The following SLC4A4 variants were observed in gnomAD, a reference collection of about 807,000 sequenced individuals.
The protein encoded by SLC4A4 is solute carrier family 4 member 4.
SLC4A4 carries 27 observed loss-of-function variants against 111.5 expected under a neutral mutation model. The ratio of observed to expected loss-of-function variants is 0.24; its 90% CI spans 0.18 to 0.33. SLC4A4 has a LOEUF of 0.33. Ranked by LOEUF, SLC4A4 falls within the 10% of genes least tolerant of loss-of-function variation. SLC4A4 has a pLI of 1.00. For synonymous variants in SLC4A4, 443 were observed against 463.4 expected (o/e 0.96, Z 0.57); for missense variants, 909 against 1,315.5 (o/e 0.69, Z 4.78).
chr4:71,435,041 G>A (rs1723995024), intron 7 of SLC4A4, among the ~76,000 whole-genome samples: 1 of 152,106 alleles, frequency 6.6e-6, no homozygotes, highest in African/African-American at 2.4e-5. Context: ...AACTACCACT[G>A]AATTTCTTCA....
chr4:71,435,788 G>A (rs986494936), intron 7 of SLC4A4, among the ~76,000 whole-genome samples: 4 of 152,070 alleles, frequency 2.6e-5, no homozygotes, highest in Non-Finnish European at 5.9e-5. Context: ...ACATTTATGC[G>A]GCCAACAAAC....
intron 16 of SLC4A4, among the ~76,000 whole-genome samples, chr4:71,499,012 C>T (rs991343459): frequency 6.6e-6 from 1 of 152,138 alleles, no homozygotes; most frequent in Non-Finnish European, 1.5e-5. Context: ...TTTCTTGATA[C>T]ACCTCTTCAA....
At chr4:71,199,289 T>TAA in intron 1 of SLC4A4, among the ~76,000 whole-genome samples, 1 of 152,326 alleles carries the variant, frequency 6.6e-6, no homozygotes, top group Non-Finnish European at 1.5e-5. Flanking sequence ...TTTGAGGTTA[T>TAA]AAAATAAGCA....
chr4:71,250,096 G>A (rs952589114), intron 2 of SLC4A4, among the ~76,000 whole-genome samples: 2 of 151,550 alleles, frequency 1.3e-5, no homozygotes, highest in African/African-American at 4.8e-5. Flanking sequence ...TTTATAATCT[G>A]TCACTCATCC....
intron 4 of SLC4A4, among the ~76,000 whole-genome samples, chr4:71,345,535 C>A (rs1195469116): frequency 6.6e-6 from 1 of 152,066 alleles, no homozygotes; most frequent in African/African-American, 2.4e-5. Flanking sequence ...CACAAGCCAA[C>A]AAAGGAAAGG....
intron 7 of SLC4A4, among the ~76,000 whole-genome samples, chr4:71,438,145 C>G (rs1297160528): frequency 6.6e-6 from 1 of 152,064 alleles, no homozygotes; most frequent in African/African-American, 2.4e-5. Context: ...TAAGACGGTT[C>G]CGAAAAAATG....
intron 3 of SLC4A4, among the ~76,000 whole-genome samples, chr4:71,337,195 A>G (rs192931577): frequency 6.6e-6 from 1 of 152,314 alleles, no homozygotes; most frequent in African/African-American, 2.4e-5. Flanking sequence ...TTAATATACC[A>G]TGTTAACTGA....
chr4:71,431,463 G>A, intron 7 of SLC4A4, among the ~76,000 whole-genome samples: 1 of 152,150 alleles, frequency 6.6e-6, no homozygotes. Flanking sequence ...AGGACATAGA[G>A]AGTAGAATGT....
chr4:71,452,303 G>A (rs1359625519), intron 11 of SLC4A4, among the ~76,000 whole-genome samples: 3 of 151,810 alleles, frequency 2.0e-5, no homozygotes, highest in Admixed American at 6.6e-5. Context: ...ATAGTTTTTT[G>A]TAAATTATTT....
intron 2 of SLC4A4, among the ~76,000 whole-genome samples, chr4:71,171,432 G>A (rs1364900451): frequency 6.6e-6 from 1 of 152,182 alleles, no homozygotes; most frequent in Non-Finnish European, 1.5e-5. Context: ...TGGTACTTGA[G>A]TGACTTGAGG....
intron 3 of SLC4A4, among the ~76,000 whole-genome samples, chr4:71,330,782 T>A (rs1184169501): frequency 6.6e-6 from 1 of 151,922 alleles, no homozygotes; most frequent in Non-Finnish European, 1.5e-5. Flanking sequence ...GAAACTACCA[T>A]CAGAGTGAAC....
chr4:71,471,700 A>G (rs371926392), intron 13 of SLC4A4, among the ~76,000 whole-genome samples: 11 of 152,010 alleles, frequency 7.2e-5, no homozygotes, highest in African/African-American at 2.7e-4. Flanking sequence ...TAAAGGGATC[A>G]GTATAAAATG....
At chr4:71,184,874 ACT>A (rs2148989863), upstream of SLC4A4, among the ~76,000 whole-genome samples, 1 of 152,234 alleles carries the variant, frequency 6.6e-6, no homozygotes, top group African/African-American at 2.4e-5. Flanking sequence ...GAAATAGAAC[ACT>A]CTTTTAATTG....
chr4:71,155,085 GGTGTGT>G lies in SLC4A4; in HGVS notation c.-2+62308_-2+62313del, dbSNP rs36062875. On this transcript the variant is annotated intron_variant, in intron 2 of 26. Transcript: ENST00000649996. ...ATATTTGTTTTTATTTGTATTATGG[GGTGTGT>G]GTGTGTGTGTGTGTATGTATGTGTG... 3.9e-3 allele frequency among the ~76,000 whole-genome samples: 592 copies of G among 150,438 alleles called. 3 individuals carry two copies. The highest frequency in any genetic ancestry group is 0.013 in the African/African-American group (534 of 41,032).
chr4:71,457,532 C>CT (rs1405092647), intron 12 of SLC4A4, among the ~76,000 whole-genome samples: 2 of 152,008 alleles, frequency 1.3e-5, no homozygotes, highest in African/African-American at 4.8e-5. Context: ...TGACTGTTTC[C>CT]TTTTTTTATG....
intron 7 of SLC4A4, among the ~76,000 whole-genome samples, chr4:71,408,926 C>T (rs1450755309): frequency 1.3e-5 from 2 of 152,104 alleles, no homozygotes; most frequent in Admixed American, 1.3e-4. Context: ...ATCATGGGGG[C>T]CAGTTTTTCC....
chr4:71,081,473 C>T (rs1426905849), intron 1 of SLC4A4, among the ~76,000 whole-genome samples: 1 of 152,098 alleles, frequency 6.6e-6, no homozygotes, highest in East Asian at 1.9e-4. Context: ...TCCACACCCC[C>T]ACCATGGCTG....
At chr4:71,565,416 A>G (rs527641110) in intron 24 of SLC4A4, among the ~76,000 whole-genome samples, 1 of 151,636 alleles carries the variant, frequency 6.6e-6, no homozygotes, top group Admixed American at 6.6e-5. Context: ...GGATCCCTGA[A>G]CTCTCACCCT....
chr4:71,168,403 G>A lies in SLC4A4; in HGVS notation c.-1-68173G>A, dbSNP rs535911896. Among the ~76,000 whole-genome samples, 56 of 151,770 alleles carry A rather than the reference G, an allele frequency of 3.7e-4. 1 individual carries two copies. Among genetic ancestry groups the A allele is most frequent in the African/African-American group, 1.3e-3 (54 of 41,396 alleles). On this transcript the variant is annotated intron_variant, in intron 2 of 26. Coordinates refer to the SLC4A4 transcript ENST00000649996. ...TCACCATGTTGGCCAGGCTGGTCTC[G>A]AACTCCTGACCTCAGATGATCTGCC...
Sources: allele counts gnomAD v4.1 joint callset (sites outside exome capture counted in the v4.1 genomes callset), GRCh38; gene constraint gnomAD v4.1.1; transcripts MANE v1.5; gene names NCBI Gene and HGNC (gene_info 2026-07-23, HGNC 2026-07-21).